Variants in PCDH7 observed in about 807,000 individuals in gnomAD.
PCDH7 encodes the protein protocadherin-7.
In PCDH7, 17 loss-of-function variants were observed where a neutral mutation model predicts 58.9. The ratio of observed to expected loss-of-function variants is 0.29; its 90% CI spans 0.20 to 0.43. The LOEUF (loss-of-function observed/expected upper bound fraction) is 0.43. PCDH7 is among the 20% of genes least tolerant of loss of function. PCDH7 has a pLI of 1.00. For missense variants in PCDH7, 1,274 were observed against 1,441.0 expected (o/e 0.88, Z 1.88); for synonymous variants, 664 against 616.4 (o/e 1.08, Z -1.14).
intron 3 of PCDH7, among the ~76,000 whole-genome samples, chr4:31,074,784 CAAAAAAAAAAAAA>C (rs1157267696): frequency 1.9e-5 from 1 of 52,488 alleles, no homozygotes; most frequent in Non-Finnish European, 3.2e-5. Context: ...GATTCCGTCT[CAAAAAAAAAAAAA>C]AAAAAAAAAA....
At chr4:31,062,280 C>A (rs1252578368) in intron 3 of PCDH7, among the ~76,000 whole-genome samples, 2 of 151,550 alleles carry the variant, frequency 1.3e-5, no homozygotes, top group Non-Finnish European at 3.0e-5. Context: ...AAGGATATTG[C>A]ATTCTATCTC....
chr4:31,086,434 T>A (rs375003035), intron 3 of PCDH7, among the ~76,000 whole-genome samples: 28 of 152,202 alleles, frequency 1.8e-4, no homozygotes, highest in African/African-American at 6.8e-4. Flanking sequence ...CATCTCATTA[T>A]ATATACAGAT....
chr4:30,731,092 A>T, exon 2 of PCDH7: 2 of 1,090,898 alleles, frequency 1.8e-6, no homozygotes, highest in South Asian at 8.9e-5. Flanking sequence ...TCTTTTAAAA[A>T]ATCCAAAAGC....
chr4:30,773,092 G>C (rs1394051566), intron 1 of PCDH7, among the ~76,000 whole-genome samples: 1 of 152,120 alleles, frequency 6.6e-6, no homozygotes, highest in African/African-American at 2.4e-5. Context: ...TTGTAGAGAC[G>C]GGATTTTACT....
chr4:31,097,612 AT>A (rs1233391888), intron 3 of PCDH7, among the ~76,000 whole-genome samples: 4 of 33,924 alleles, frequency 1.2e-4, no homozygotes, highest in Non-Finnish European at 1.8e-4. Context: ...ATATATATAT[AT>A]ATATATATAT....
chr4:30,749,362 A>T (rs1383031193), intron 1 of PCDH7, among the ~76,000 whole-genome samples: 1 of 152,188 alleles, frequency 6.6e-6, no homozygotes, highest in Admixed American at 6.5e-5. Flanking sequence ...TGAATGAGAA[A>T]ATTTCAATCG....
At chr4:31,069,196 G>A (rs1229139547) in intron 3 of PCDH7, among the ~76,000 whole-genome samples, 1 of 151,870 alleles carries the variant, frequency 6.6e-6, no homozygotes, top group Non-Finnish European at 1.5e-5. Context: ...TTTTAAAAAG[G>A]GAGTTTACTG....
intron 3 of PCDH7, among the ~76,000 whole-genome samples, chr4:31,019,427 G>C (rs28451878): frequency 0.23 from 35,441 of 152,046 alleles, 4,405 homozygotes; most frequent in East Asian, 0.38. Context: ...TTCCTGGCCA[G>C]GCATGGTGGC....
intron 3 of PCDH7, among the ~76,000 whole-genome samples, chr4:31,083,978 A>G (rs1245020318): frequency 6.6e-6 from 1 of 152,200 alleles, no homozygotes; most frequent in Non-Finnish European, 1.5e-5. Flanking sequence ...ATCCATAATC[A>G]TTTATTAAAT....
In PCDH7 at chr4:30,722,476, G is replaced by A; in HGVS notation, c.1054G>A (p.Glu352Lys). ...CGAATACGTGTTCGGGGCGGCCACCGAGTCGGTGAGGCGGCTGCTGCGCCT... is the reference window on the plus strand; with the variant it reads ...CGAATACGTGTTCGGGGCGGCCACCAAGTCGGTGAGGCGGCTGCTGCGCCT... The change falls in exon 1 of 2, where the codon GAG (glutamate) becomes AAG (lysine). Residue 352 changes from glutamate to lysine, a missense_variant. Around this residue, in one of 3 missense-constraint regions of PCDH7, gnomAD observed 331 missense variants for 303.2 expected, o/e 1.09. Transcript: ENST00000361762. This position sits in a 1 kb window ranked among gnomAD's most constrained non-coding sequence, Gnocchi z 7.6. The A allele has an allele frequency of 1.2e-6, 2 of 1,609,744 alleles. No individual in the cohort carries two copies. Among genetic ancestry groups the A allele is most frequent in the Non-Finnish European group, 1.7e-6 (2 of 1,178,376 alleles).
At chr4:30,825,362 T>C (rs1577951745) in intron 1 of PCDH7, among the ~76,000 whole-genome samples, 1 of 152,302 alleles carries the variant, frequency 6.6e-6, no homozygotes, top group East Asian at 1.9e-4. Context: ...AATGTTTTGA[T>C]AGAACTAAAC....
At chr4:30,924,014 C>T (rs1219113333) in intron 2 of PCDH7, among the ~76,000 whole-genome samples, 1 of 152,166 alleles carries the variant, frequency 6.6e-6, no homozygotes, top group Non-Finnish European at 1.5e-5. Flanking sequence ...CCATCTCATT[C>T]AAGGCAAGCA....
At position 30,942,183 on chromosome 4, in the gene PCDH7, T is replaced by A. The variant is rs147779089; in HGVS notation, c.288-7937T>A. Among the ~76,000 whole-genome samples, 290 of 152,090 alleles carry A rather than the reference T, an allele frequency of 1.9e-3. 1 individual carries two copies. The highest frequency in any genetic ancestry group is 6.0e-3 in the African/African-American group (249 of 41,554). On this transcript the variant is annotated intron_variant, in intron 2 of 3. Transcript: ENST00000509759. ...AATTAATTAATGAATAAATGAATAT[T>A]CGAATCAAGGATCTACTCACAATTT...
At chr4:30,844,325 C>G (rs1052261416) in intron 1 of PCDH7, among the ~76,000 whole-genome samples, 1 of 152,148 alleles carries the variant, frequency 6.6e-6, no homozygotes, top group Non-Finnish European at 1.5e-5. Context: ...GCAAAATTGT[C>G]ACTGTGGAAA....
intron 3 of PCDH7, among the ~76,000 whole-genome samples, chr4:31,120,264 A>G (rs1466668575): frequency 6.8e-6 from 1 of 148,094 alleles, no homozygotes; most frequent in East Asian, 2.0e-4. Context: ...ACATCTTTCC[A>G]TTCTTTCTTC....
chr4:31,042,766 T>C (rs764231507), intron 3 of PCDH7, among the ~76,000 whole-genome samples: 18 of 152,194 alleles, frequency 1.2e-4, no homozygotes, highest in Non-Finnish European at 2.2e-4. Flanking sequence ...AGCAAAATAA[T>C]GTGCATAAAG....
intron 1 of PCDH7, among the ~76,000 whole-genome samples, chr4:30,821,246 CTT>C (rs1235160814): frequency 6.6e-6 from 1 of 152,202 alleles, no homozygotes; most frequent in East Asian, 1.9e-4. Context: ...TCTACCTCCT[CTT>C]TGCAGATTCT....
chr4:30,977,391 C>G (rs1178753870), intron 3 of PCDH7, among the ~76,000 whole-genome samples: 1 of 152,142 alleles, frequency 6.6e-6, no homozygotes, highest in Non-Finnish European at 1.5e-5. Flanking sequence ...CAGAAAACAT[C>G]TTCTAAATGA....
chr4:30,775,944 A>T (rs28363824), intron 1 of PCDH7, among the ~76,000 whole-genome samples: 5,509 of 152,204 alleles, frequency 0.036, 329 homozygotes, highest in African/African-American at 0.13. Flanking sequence ...GAAAGGCCAG[A>T]GGTCTACAAG....
Sources: gnomAD v4.1 joint callset for allele counts (sites outside exome capture counted in the v4.1 genomes callset) on GRCh38, gnomAD v4.1.1 for gene constraint, gnomAD v4.1.1 regional missense constraint, Gnocchi (gnomAD v3.1) non-coding constraint, MANE v1.5 for transcripts, NCBI Gene and HGNC (gene_info 2026-07-23, HGNC 2026-07-21) for gene names.